FBXL2: variants seen among roughly 807,000 people sequenced by gnomAD.
FBXL2 encodes the protein F-box/LRR-repeat protein 2.
In FBXL2, 38 loss-of-function variants were observed where a neutral mutation model predicts 69.2. The observed-to-expected ratio is 0.55, with a 90% CI of 0.42 to 0.72. The LOEUF (loss-of-function observed/expected upper bound fraction) is 0.72, where lower values mean the gene tolerates loss of function less well. Among genes scored for constraint, FBXL2 ranks in the 30% least tolerant of loss-of-function variants. FBXL2 has a pLI of 0.00. For synonymous variants in FBXL2, 192 were observed against 201.3 expected, an observed-to-expected ratio of 0.95 and a Z score of 0.39; for missense variants, 354 against 520.3, an observed-to-expected ratio of 0.68 and a Z score of 3.11.
At chr3:33,370,801 C>T (rs115852039) in intron 5 of FBXL2, among the ~76,000 whole-genome samples, 19 of 152,132 alleles carry the variant, frequency 1.2e-4, no homozygotes, top group African/African-American at 4.6e-4. Flanking sequence ...TGGTTTTGAT[C>T]AATTTGGTTA....
chr3:33,383,644 C>A, intron 13 of FBXL2: 1 of 256,048 alleles, frequency 3.9e-6, no homozygotes, highest in South Asian at 5.5e-5. Context: ...TGAAATCTCC[C>A]CTGAAGATTT....
At chr3:33,360,539 C>A (rs926555233) in intron 4 of FBXL2, among the ~76,000 whole-genome samples, 3 of 152,122 alleles carry the variant, frequency 2.0e-5, no homozygotes, top group Non-Finnish European at 4.4e-5. Context: ...CAAGGATTCA[C>A]GCCCATCCTG....
At chr3:33,338,034 A>G (rs997184871) in intron 2 of FBXL2, among the ~76,000 whole-genome samples, 1 of 152,220 alleles carries the variant, frequency 6.6e-6, no homozygotes, top group African/African-American at 2.4e-5. Flanking sequence ...TGGCCATACT[A>G]TCCAAAGCTA....
chr3:33,331,838 A>G (rs899881932), intron 2 of FBXL2, among the ~76,000 whole-genome samples: 1 of 152,178 alleles, frequency 6.6e-6, no homozygotes, highest in African/African-American at 2.4e-5. Context: ...AAGCTGAAAA[A>G]CACAGATGAG....
chr3:33,342,004 C>CTTTTTTTTTTT (rs538123970), intron 2 of FBXL2, among the ~76,000 whole-genome samples: 1 of 109,814 alleles, frequency 9.1e-6, no homozygotes, highest in Non-Finnish European at 1.8e-5. Context: ...TTTTCTTTAT[C>CTTTTTTTTTTT]TTTTTTTTTT....
rs370901450 is a variant in FBXL2, at chr3:33,279,920, T to G, written c.3+2405T>G. ...CACCCCACTGATAAATTGAGCCACT[T>G]TTAAAACCTGGCAGTTTCTCTCAAC... On this transcript the variant is annotated intron_variant, in intron 1 of 14. Transcript: ENST00000484457. Among the ~76,000 whole-genome samples the G allele has an allele frequency of 5.9e-5, 9 of 152,300 alleles. No individual in the cohort carries two copies. In the East Asian group the frequency reaches 1.4e-3, roughly 23 times the overall value.
intron 12 of FBXL2, among the ~76,000 whole-genome samples, chr3:33,400,718 G>A (rs1254250066): frequency 6.6e-6 from 1 of 152,112 alleles, no homozygotes; most frequent in Non-Finnish European, 1.5e-5. Context: ...ATTAAAGGGT[G>A]CAAACAAACA....
chr3:33,399,278 T>C (rs1292717342), intron 12 of FBXL2, among the ~76,000 whole-genome samples: 1 of 152,230 alleles, frequency 6.6e-6, no homozygotes, highest in Non-Finnish European at 1.5e-5. Flanking sequence ...TGGGAAATGC[T>C]ACCTCTGCCC....
At position 33,383,632 on chromosome 3, in the gene FBXL2, A is replaced by G. The variant is rs2043206865; in HGVS notation, c.952-357A>G. 2 of 244,764 alleles carry G rather than the reference A, an allele frequency of 8.2e-6. 1 individual carries two copies. The highest frequency in any genetic ancestry group is 4.4e-5 in the African/African-American group (2 of 45,066). The allele number at this position is 244,764 out of a possible 1,614,324, so 15.2% of individuals were successfully genotyped here. Reference sequence around the variant, plus strand: ...AATAAAACTGCTCTCAAGGGGGTAAACTGAAATCTCCCCTGAAGATTTTAT... The same window carrying G: ...AATAAAACTGCTCTCAAGGGGGTAAGCTGAAATCTCCCCTGAAGATTTTAT... On this transcript the variant is annotated intron_variant, in intron 13 of 14. Coordinates refer to ENST00000484457, the MANE Select transcript of FBXL2 (RefSeq NM_012157.5).
At chr3:33,354,386 C>T (rs909981592) in intron 2 of FBXL2, among the ~76,000 whole-genome samples, 4 of 151,676 alleles carry the variant, frequency 2.6e-5, no homozygotes, top group Non-Finnish European at 5.9e-5. Context: ...TGGTGGTGGG[C>T]GCCTGTAATC....
At chr3:33,401,104 T>C in intron 12 of FBXL2, 1 of 1,270,354 alleles carries the variant, frequency 7.9e-7, no homozygotes, top group Non-Finnish European at 1.1e-6. Context: ...GCATTGTAAC[T>C]ATGCAAATTT....
chr3:33,402,884 G>A (rs1194829106), intron 12 of FBXL2: 4 of 1,610,128 alleles, frequency 2.5e-6, no homozygotes, highest in Non-Finnish European at 2.5e-6. Flanking sequence ...AGGCTGTGGG[G>A]GCATCGGGCC....
intron 2 of FBXL2, among the ~76,000 whole-genome samples, chr3:33,306,678 G>T (rs754858052): frequency 6.6e-6 from 1 of 152,066 alleles, no homozygotes; most frequent in Non-Finnish European, 1.5e-5. Context: ...GCAATTTCAA[G>T]TTTCTTCCAT....
intron 2 of FBXL2, among the ~76,000 whole-genome samples, chr3:33,354,258 A>G (rs748178857): frequency 6.6e-6 from 1 of 152,082 alleles, no homozygotes; most frequent in South Asian, 2.1e-4. Flanking sequence ...TCACGCCTGT[A>G]ATCCGAGCAC....
chr3:33,345,367 T>G (rs2040357522), intron 2 of FBXL2, among the ~76,000 whole-genome samples: 1 of 152,204 alleles, frequency 6.6e-6, no homozygotes, highest in African/African-American at 2.4e-5. Context: ...AATACATCTT[T>G]TTTTGGTGGT....
At chr3:33,303,372 T>A (rs1474541001) in intron 2 of FBXL2, among the ~76,000 whole-genome samples, 2 of 152,186 alleles carry the variant, frequency 1.3e-5, no homozygotes, top group African/African-American at 4.8e-5. Context: ...CTCCCTAAAC[T>A]GTTATGTACT....
At chr3:33,353,496 A>G (rs1416481573) in intron 2 of FBXL2, among the ~76,000 whole-genome samples, 2 of 152,232 alleles carry the variant, frequency 1.3e-5, no homozygotes, top group African/African-American at 4.8e-5. Flanking sequence ...GGAGCCATAA[A>G]TGCATGTTGC....
intron 2 of FBXL2, among the ~76,000 whole-genome samples, chr3:33,354,768 CA>C (rs1292156169): frequency 6.6e-6 from 1 of 151,800 alleles, no homozygotes; most frequent in East Asian, 1.9e-4. Context: ...CTGTAATAAG[CA>C]AAAGAAATAG....
In FBXL2 at chr3:33,308,266, A is replaced by C. The variant is rs547850414; in HGVS notation, c.65+10541A>C. ...CCCTATCCCAGACCTGGAATTAGCC[A>C]TTTCTTTAGAAGTATTGGTTTCTTT... is the stretch of plus-strand genomic sequence containing the variant. On this transcript the variant is annotated intron_variant, in intron 2 of 14. Transcript: ENST00000484457. Among the ~76,000 whole-genome samples the C allele has an allele frequency of 7.9e-5, 12 of 152,236 alleles. No individual in the cohort carries two copies. The South Asian group carries it at 2.3e-3, about 29-fold the overall frequency.
Sources: gnomAD v4.1 joint callset for allele counts (sites outside exome capture counted in the v4.1 genomes callset) on GRCh38, gnomAD v4.1.1 for gene constraint, MANE v1.5 for transcripts, NCBI Gene and HGNC (gene_info 2026-07-23, HGNC 2026-07-21) for gene names.